Variants in CACNA1C observed in about 807,000 individuals in gnomAD.
CACNA1C encodes the protein voltage-dependent L-type calcium channel subunit alpha-1C.
CACNA1C carries 30 observed loss-of-function variants against 229.0 expected under a neutral mutation model. That is an observed-to-expected ratio of 0.13 (90% CI 0.10 to 0.18). CACNA1C has a LOEUF of 0.18. Ranked by LOEUF, CACNA1C falls within the 10% of genes least tolerant of loss-of-function variation. The probability of loss-of-function intolerance (pLI) is 1.00; values close to 1 mark genes in which losing one functional copy is unlikely to be tolerated. For missense variants in CACNA1C, 1,658 were observed against 2,845.0 expected (o/e 0.58, Z 9.49); for synonymous variants, 1,114 against 1,132.5 (o/e 0.98, Z 0.33).
At position 2,595,182 on chromosome 12, in the gene CACNA1C, G is replaced by T. The variant is rs1174622472; in HGVS notation, c.2664-692G>T. ...CCAGGAGCAGAAGTCTGAAGGCCTGGGTTGAAGCCCTGACTCTCCCACACT... is the reference window on the plus strand; with the variant it reads ...CCAGGAGCAGAAGTCTGAAGGCCTGTGTTGAAGCCCTGACTCTCCCACACT... On this transcript the variant is annotated intron_variant, in intron 19 of 46. Coordinates refer to ENST00000399655, the MANE Select transcript of CACNA1C (RefSeq NM_000719.7). This position sits in a 1 kb window ranked among gnomAD's most constrained non-coding sequence, Gnocchi z 4.1. Among the ~76,000 whole-genome samples, 4 of 152,132 alleles carry T rather than the reference G, an allele frequency of 2.6e-5. No homozygotes were observed. Among genetic ancestry groups the T allele is most frequent in the African/African-American group, 9.7e-5 (4 of 41,424 alleles).
At chr12:2,338,998 A>G (rs1187040827) in intron 3 of CACNA1C, among the ~76,000 whole-genome samples, 1 of 152,258 alleles carries the variant, frequency 6.6e-6, no homozygotes, top group Non-Finnish European at 1.5e-5. Context: ...TTTAATTTAG[A>G]GAATAATTTC....
chr12:1,986,575 C>A (rs370831474), intron 1 of CACNA1C, among the ~76,000 whole-genome samples: 2 of 152,078 alleles, frequency 1.3e-5, no homozygotes, highest in African/African-American at 4.8e-5. Flanking sequence ...TTCCCTGCAA[C>A]TGGCTTCACG....
chr12:2,582,278 G>A (rs2060807072), intron 14 of CACNA1C, among the ~76,000 whole-genome samples: 1 of 152,002 alleles, frequency 6.6e-6, no homozygotes, highest in Non-Finnish European at 1.5e-5. Context: ...TACCATGCTT[G>A]TCTCTTGAAA....
At chr12:2,324,745 C>T (rs749055948) in intron 3 of CACNA1C, among the ~76,000 whole-genome samples, 1 of 151,940 alleles carries the variant, frequency 6.6e-6, no homozygotes, top group Non-Finnish European at 1.5e-5. Flanking sequence ...CCTTGGCGGG[C>T]TTGCTTGGAA....
intron 10 of CACNA1C, 89 bp from the exon 11 acceptor site, chr12:2,556,862 G>T (rs2044593607): frequency 9.4e-7 from 1 of 1,062,732 alleles, no homozygotes; most frequent in Admixed American, 1.7e-5. Context: ...AATTACCTGG[G>T]GAACATCAAA....
intron 3 of CACNA1C, among the ~76,000 whole-genome samples, chr12:2,444,623 A>T (rs912981308): frequency 6.6e-6 from 1 of 152,024 alleles, no homozygotes; most frequent in African/African-American, 2.4e-5. Flanking sequence ...TTCATAACTG[A>T]TGTCTCTACC....
chr12:2,206,310 T>TA (rs1192063045), intron 3 of CACNA1C, among the ~76,000 whole-genome samples: 1 of 152,166 alleles, frequency 6.6e-6, no homozygotes, highest in African/African-American at 2.4e-5. Context: ...AGTAGTATTT[T>TA]AAAAAAGCAG....
At chr12:2,292,804 G>C (rs1435336459) in intron 3 of CACNA1C, among the ~76,000 whole-genome samples, 1 of 152,208 alleles carries the variant, frequency 6.6e-6, no homozygotes, top group Non-Finnish European at 1.5e-5. Flanking sequence ...AAGTGGGGAT[G>C]TGGCTGTAGT....
intron 1 of CACNA1C, chr12:2,004,629 G>A: frequency 1.4e-6 from 1 of 723,514 alleles, no homozygotes; most frequent in Non-Finnish European, 2.2e-6. Context: ...CCCGCCCACT[G>A]AGGATCGTTG....
intron 1 of CACNA1C, among the ~76,000 whole-genome samples, chr12:2,035,846 A>T (rs944103375): frequency 1.3e-5 from 2 of 152,202 alleles, no homozygotes; most frequent in African/African-American, 4.8e-5. Context: ...CTGTTCTAGT[A>T]TTTAATCATG....
chr12:2,525,699 A>G (rs568277097), intron 9 of CACNA1C, among the ~76,000 whole-genome samples: 2 of 152,318 alleles, frequency 1.3e-5, no homozygotes, highest in African/African-American at 4.8e-5. Flanking sequence ...GTCGAGTAAC[A>G]ACCCCAAACA....
Position 2,651,584 on chromosome 12 carries a change from G to T in CACNA1C, c.3946-56G>T. The T allele has an allele frequency of 6.2e-7, 1 of 1,613,548 alleles. No homozygotes were observed. Among genetic ancestry groups the T allele is most frequent in the South Asian group, 1.1e-5 (1 of 91,062 alleles). ...CTGTATTTCTCGGAGGGGCCCTCCT[G>T]TTCTCACCCCCCTCTTGCTGTGCTA... is the stretch of plus-strand genomic sequence containing the variant. On this transcript the variant is annotated intron_variant, in intron 31 of 46. Coordinates refer to ENST00000399655, the MANE Select transcript of CACNA1C (RefSeq NM_000719.7). The surrounding 1 kb of genome is among the most constrained non-coding windows in gnomAD (Gnocchi z 5.4).
In CACNA1C at chr12:2,639,401, C is replaced by T. The variant is rs1406422699; in HGVS notation, c.3912+5021C>T. Reference sequence around the variant, plus strand: ...CTTGGGCCAACAGCCTTTCCCGACACACTTCTTTTTCATTTTGTATTTTAA... The same window carrying T: ...CTTGGGCCAACAGCCTTTCCCGACATACTTCTTTTTCATTTTGTATTTTAA... On this transcript the variant is annotated intron_variant, in intron 30 of 46. Coordinates refer to ENST00000399655, the MANE Select transcript of CACNA1C (RefSeq NM_000719.7). The surrounding 1 kb of genome is among the most constrained non-coding windows in gnomAD (Gnocchi z 4.2). 4.6e-5 allele frequency among the ~76,000 whole-genome samples: 7 copies of T among 152,220 alleles called. No homozygotes were observed. The highest frequency in any genetic ancestry group is 1.0e-4 in the Non-Finnish European group (7 of 68,036).
Position 2,120,444 on chromosome 12 carries a change from C to T in CACNA1C, c.477+14C>T, listed in dbSNP as rs371836468. 1.4e-5 allele frequency: 19 copies of T among 1,369,798 alleles called. No homozygotes were observed. In the African/African-American group the frequency reaches 2.7e-4, roughly 20 times the overall value. 84.9% of individuals were successfully genotyped at this position (1,369,798 alleles called of 1,614,324 possible). ...AATTCCAACCTGGTAAGTCCACCATCCTCAAGTCTCTGCTTTTTCACTCGA... is the reference window on the plus strand; with the variant it reads ...AATTCCAACCTGGTAAGTCCACCATTCTCAAGTCTCTGCTTTTTCACTCGA... On this transcript the variant is annotated intron_variant, in intron 3 of 46. Coordinates refer to ENST00000399655, the MANE Select transcript of CACNA1C (RefSeq NM_000719.7).
intron 3 of CACNA1C, among the ~76,000 whole-genome samples, chr12:2,342,360 G>C (rs1442267855): frequency 6.6e-6 from 1 of 152,134 alleles, no homozygotes; most frequent in Non-Finnish European, 1.5e-5. Flanking sequence ...TATATCCTGA[G>C]TCCTTTTTGT....
chr12:2,493,383 C>T lies in CACNA1C; in HGVS notation c.1110C>T (p.Tyr370=), dbSNP rs1369617608. Residue 370 remains tyrosine (Y), a synonymous_variant, in exon 7 of 47, where the codon TAC becomes TAT. Transcript: ENST00000399655. This position sits in a 1 kb window ranked among gnomAD's most constrained non-coding sequence, Gnocchi z 4.6. ...TGGAGGGCTGGACGGACGTGCTGTA[C>T]TGGGTACGTAGCATGAGTGGGCAGT... ...ITMEGWTDVL[Y]WVNDAVGRDW... is the part of the protein sequence containing the mutation. 6.2e-7 allele frequency: 1 copy of T among 1,612,022 alleles called. No homozygotes were observed. Among genetic ancestry groups the T allele is most frequent in the South Asian group, 1.1e-5 (1 of 91,054 alleles).
intron 3 of CACNA1C, among the ~76,000 whole-genome samples, chr12:2,430,624 C>T (rs1215441973): frequency 6.6e-6 from 1 of 152,168 alleles, no homozygotes; most frequent in African/African-American, 2.4e-5. Flanking sequence ...AGAGTATGTG[C>T]TCCGTAAACA....
intron 3 of CACNA1C, among the ~76,000 whole-genome samples, chr12:2,438,648 C>G (rs894455383): frequency 2.0e-5 from 3 of 151,910 alleles, no homozygotes; most frequent in Non-Finnish European, 4.4e-5. Context: ...CGGGGAGGGT[C>G]AGACTGTGAC....
chr12:2,086,503 C>G (rs2067701697), intron 1 of CACNA1C, among the ~76,000 whole-genome samples: 1 of 152,158 alleles, frequency 6.6e-6, no homozygotes, highest in Non-Finnish European at 1.5e-5. Context: ...ATGTTTGTTT[C>G]TCTGATCCTG....
Sources: gnomAD v4.1 joint callset for allele counts (sites outside exome capture counted in the v4.1 genomes callset) on GRCh38, gnomAD v4.1.1 for gene constraint, Gnocchi (gnomAD v3.1) non-coding constraint, MANE v1.5 for transcripts, NCBI Gene and HGNC (gene_info 2026-07-23, HGNC 2026-07-21) for gene names.